Variants in KALRN observed in about 807,000 individuals in gnomAD.
The protein encoded by KALRN is kalirin RhoGEF kinase.
KALRN carries 70 observed loss-of-function variants against 353.7 expected under a neutral mutation model. The ratio of observed to expected loss-of-function variants is 0.20; its 90% confidence interval spans 0.16 to 0.24. The LOEUF (loss-of-function observed/expected upper bound fraction) is 0.24, where lower values mean the gene tolerates loss of function less well. KALRN is among the 10% of genes least tolerant of loss of function. KALRN has a pLI of 1.00. For synonymous variants in KALRN, 1,391 were observed against 1,434.8 expected, an observed-to-expected ratio of 0.97 and a Z score of 0.69; for missense variants, 2,791 against 3,756.7, an observed-to-expected ratio of 0.74 and a Z score of 6.72.
intron 34 of KALRN, among the ~76,000 whole-genome samples, chr3:124,624,490 C>G (rs1427961689): frequency 6.6e-6 from 1 of 152,168 alleles, no homozygotes; most frequent in African/African-American, 2.4e-5. Context: ...GCATCCCTTC[C>G]CTCATGGATA....
At position 124,084,201 on chromosome 3, in the gene KALRN, G is replaced by A. The variant is rs567025817; in HGVS notation, c.73+50388G>A. Among the ~76,000 whole-genome samples the A allele has an allele frequency of 1.9e-3, 287 of 152,328 alleles. 1 individual carries two copies. The highest frequency in any genetic ancestry group is 2.3e-3 in the Non-Finnish European group (156 of 68,028). On this transcript the variant is annotated intron_variant, in intron 1 of 59. Coordinates refer to ENST00000682506, the MANE Select transcript of KALRN (RefSeq NM_001388419.1). ...TTTGGTTGATTGCCAACTTGGCCCCGAGGGAGTAGGCCTGAAAGGGGGTTA... is the reference window on the plus strand; with the variant it reads ...TTTGGTTGATTGCCAACTTGGCCCCAAGGGAGTAGGCCTGAAAGGGGGTTA...
rs746839568 is a variant in KALRN at position 124,334,984 on chromosome 3, G to A, written c.1647+489G>A. ...TAATTTTTGTATTTTTGGTGGAGAC[G>A]GGGTTTCACCATGTTGACCAGGCTG... On this transcript the variant is annotated intron_variant, in intron 9 of 59. Transcript: ENST00000682506. This position sits in a 1 kb window ranked among gnomAD's most constrained non-coding sequence, Gnocchi z 4.2. 2.0e-5 allele frequency among the ~76,000 whole-genome samples: 3 copies of A among 152,102 alleles called. No individual in the cohort carries two copies. The highest frequency in any genetic ancestry group is 2.1e-4 in the South Asian group (1 of 4,816).
At chr3:124,655,102 TTGATA>T (rs1019419189) in intron 38 of KALRN, among the ~76,000 whole-genome samples, 40 of 152,358 alleles carry the variant, frequency 2.6e-4, no homozygotes, top group Admixed American at 9.1e-4. Context: ...AAAACTTCAC[TTGATA>T]TCTATCCTTG....
chr3:124,492,989 C>T (rs2063332228), intron 32 of KALRN, 107 bp downstream of exon 32: 2 of 1,294,680 alleles, frequency 1.5e-6, no homozygotes, highest in Non-Finnish European at 2.1e-6. Flanking sequence ...AGGTGGCACT[C>T]TCCAGGAAGG....
At chr3:124,662,662 G>C (rs985799056) in intron 45 of KALRN, among the ~76,000 whole-genome samples, 47 of 152,220 alleles carry the variant, frequency 3.1e-4, no homozygotes, top group African/African-American at 1.0e-3. Context: ...GGGGAATCAA[G>C]TCTGCAGGGA....
chr3:124,379,009 C>T (rs1404638776), intron 10 of KALRN, among the ~76,000 whole-genome samples: 1 of 151,998 alleles, frequency 6.6e-6, no homozygotes, highest in Non-Finnish European at 1.5e-5. Context: ...TTCCAATACC[C>T]TCCTCTTCTC....
chr3:124,637,097 A>G (rs1003298597), intron 36 of KALRN, 111 bp from the exon 37 acceptor site: 1 of 862,990 alleles, frequency 1.2e-6, no homozygotes, highest in Admixed American at 1.9e-5. Context: ...CTAAACACAG[A>G]ACTTTGCTTC....
In KALRN at chr3:124,455,662, C is replaced by T. The variant is rs561270297; in HGVS notation, c.3735+303C>T. Among the ~76,000 whole-genome samples the T allele has an allele frequency of 2.0e-5, 3 of 152,256 alleles. No individual in the cohort carries two copies. In the South Asian group the frequency reaches 6.2e-4, roughly 32 times the overall value. On this transcript the variant is annotated intron_variant, in intron 22 of 59. Transcript: ENST00000682506. The stretch of plus-strand genomic sequence containing the variant: ...AGAGTTAACTGTTGACTTTGAGAAC[C>T]AAAAGCTTTATCTTGGCTTCATAAG...
rs1008993280 is a variant in KALRN, at chr3:124,228,140, G to A, written c.148+76G>A. 2.8e-5 allele frequency: 33 copies of A among 1,198,214 alleles called. No individual in the cohort carries two copies. In the Admixed American group the frequency reaches 4.7e-4, roughly 17 times the overall value. 74.2% of individuals were successfully genotyped at this position (1,198,214 alleles called of 1,614,324 possible). On this transcript the variant is annotated intron_variant, in intron 2 of 59. Coordinates refer to ENST00000682506, the MANE Select transcript of KALRN (RefSeq NM_001388419.1). Reference sequence around the variant, plus strand: ...TGTGCACATGTGTTCAGATTCACTTGTGTGTTAGTAGGGGAGAAGTAGGGG... The same window carrying A: ...TGTGCACATGTGTTCAGATTCACTTATGTGTTAGTAGGGGAGAAGTAGGGG...
chr3:124,244,411 AT>A (rs1181593651), intron 3 of KALRN, among the ~76,000 whole-genome samples: 1 of 151,974 alleles, frequency 6.6e-6, no homozygotes, highest in African/African-American at 2.4e-5. Flanking sequence ...TAATTTTTGT[AT>A]TTTTAGTAGA....
At chr3:124,211,591 C>A (rs931329623) in intron 1 of KALRN, among the ~76,000 whole-genome samples, 1 of 152,208 alleles carries the variant, frequency 6.6e-6, no homozygotes, top group Non-Finnish European at 1.5e-5. Flanking sequence ...AGGGCAGCAG[C>A]AGCCTCCCTC....
In KALRN at chr3:124,491,329, G is replaced by A; in HGVS notation, c.4594G>A (p.Glu1532Lys). 1 of 1,602,080 alleles carries A rather than the reference G, an allele frequency of 6.2e-7. No individual in the cohort carries two copies. The highest frequency in any genetic ancestry group is 8.5e-7 in the Non-Finnish European group (1 of 1,173,796). Residue 1532 changes from glutamate (E) to lysine (K), a missense_variant, in exon 31 of 60, where the codon GAG (glutamate) becomes AAG (lysine). Coordinates refer to ENST00000682506, the MANE Select transcript of KALRN (RefSeq NM_001388419.1). ...AGGCATTTCCTGTCTACAGACCTCAGAGCTGGGTGTGACCGAGCACGTGGA... is the reference window on the plus strand; with the variant it reads ...AGGCATTTCCTGTCTACAGACCTCAAAGCTGGGTGTGACCGAGCACGTGGA... ...YVYKNKLLTS[E>K]LGVTEHVEGD...
chr3:124,646,412 A>ATTTTTTTTTTTTTTTTTTTTTTTT lies in KALRN; in HGVS notation c.5665-4396_5665-4395insTTTTTTTTTTTTTTTTTTTTTTTT, dbSNP rs1559758779. ...TTTACTTTTTTTTTTTTTTTTTGAG[A>ATTTTTTTTTTTTTTTTTTTTTTTT]CAGAGCCTTGCTGTGTCACCCAGTC... On this transcript the variant is annotated intron_variant, in intron 37 of 59. Transcript: ENST00000682506. 6.4e-5 allele frequency among the ~76,000 whole-genome samples: 8 copies of ATTTTTTTTTTTTTTTTTTTTTTTT among 125,538 alleles called. No individual in the cohort carries two copies. The East Asian group carries it at 1.1e-3, about 17-fold the overall frequency. The allele number at this position is 125,538 out of a possible 152,430, so 82.4% of individuals were successfully genotyped here.
chr3:124,548,175 T>C (rs2069958694), intron 33 of KALRN, among the ~76,000 whole-genome samples: 2 of 152,132 alleles, frequency 1.3e-5, no homozygotes, highest in Admixed American at 1.3e-4. Flanking sequence ...ACCAAACTCA[T>C]AACTACAGGG....
Position 124,355,727 on chromosome 3 carries a change from T to TTTTTTTG in KALRN, c.1770+8463_1770+8469dup, listed in dbSNP as rs2083323336. Among the ~76,000 whole-genome samples, 2 of 106,278 alleles carry TTTTTTTG rather than the reference T, an allele frequency of 1.9e-5. 1 individual carries two copies. Among genetic ancestry groups the TTTTTTTG allele is most frequent in the Non-Finnish European group, 4.0e-5 (2 of 49,942 alleles). The allele number at this position is 106,278 out of a possible 152,430, so 69.7% of individuals were successfully genotyped here. ...CTCCCATCTTTTTTTTTTTTTTTTT[T>TTTTTTTG]TTTTTTGAGACAGAGTCTCGCTCTG... On this transcript the variant is annotated intron_variant, in intron 10 of 59. Coordinates refer to ENST00000682506, the MANE Select transcript of KALRN (RefSeq NM_001388419.1).
intron 33 of KALRN, chr3:124,518,810 C>A: frequency 8.4e-7 from 1 of 1,189,374 alleles, no homozygotes; most frequent in Non-Finnish European, 1.0e-6. Flanking sequence ...GCTCCTGCTG[C>A]CCTAGAGGTC....
intron 1 of KALRN, among the ~76,000 whole-genome samples, chr3:124,118,855 T>TC (rs2063709494): frequency 6.6e-6 from 1 of 152,196 alleles, no homozygotes; most frequent in Non-Finnish European, 1.5e-5. Context: ...ACCATCTATC[T>TC]CACTTGAGTC....
intron 36 of KALRN, among the ~76,000 whole-genome samples, chr3:124,635,546 G>A (rs1385035645): frequency 6.6e-6 from 1 of 152,104 alleles, no homozygotes; most frequent in Non-Finnish European, 1.5e-5. Context: ...ATTTCTGTAT[G>A]TTTTTTATAA....
Position 124,482,789 on chromosome 3 carries a change from A to G in KALRN, c.4192-19A>G, listed in dbSNP as rs778288881. On this transcript the variant is annotated intron_variant, in intron 27 of 59. Transcript: ENST00000682506. ...CACACCCCTCTGTGTCTAATTGCAC[A>G]TTGTTCTCATCCCTGCAGGAGATAC... 3.8e-6 allele frequency: 6 copies of G among 1,561,720 alleles called. No individual in the cohort carries two copies. Among genetic ancestry groups the G allele is most frequent in the South Asian group, 1.1e-5 (1 of 90,080 alleles).
Sources: allele counts gnomAD v4.1 joint callset (sites outside exome capture counted in the v4.1 genomes callset), GRCh38; gene constraint gnomAD v4.1.1; non-coding constraint Gnocchi (gnomAD v3.1); transcripts MANE v1.5; gene names NCBI Gene and HGNC (gene_info 2026-07-23, HGNC 2026-07-21).